Variants in C8A observed in about 807,000 individuals in gnomAD.
The protein encoded by C8A is complement component C8 alpha chain.
A neutral mutation model predicts 65.3 loss-of-function variants in C8A; 67 were observed. That is an observed-to-expected ratio of 1.03 (90% CI 0.84 to 1.26). The LOEUF (loss-of-function observed/expected upper bound fraction) is 1.26. C8A is among the 50% of genes most tolerant of loss of function. The pLI, the probability that C8A is intolerant of heterozygous loss-of-function variation, is 0.00. For missense variants in C8A, 781 were observed against 723.9 expected (o/e 1.08, Z -0.90); for synonymous variants, 290 against 259.4 (o/e 1.12, Z -1.13).
intron 7 of C8A, among the ~76,000 whole-genome samples, chr1:56,904,935 C>A (rs912154254): frequency 2.6e-5 from 4 of 152,178 alleles, no homozygotes; most frequent in Admixed American, 6.5e-5. Context: ...TCCTCCAGCC[C>A]CCATTAATCA....
intron 1 of C8A, among the ~76,000 whole-genome samples, chr1:56,857,441 C>T (rs1286680223): frequency 6.6e-6 from 1 of 151,938 alleles, no homozygotes; most frequent in Non-Finnish European, 1.5e-5. Flanking sequence ...ATTATTAATA[C>T]ATATAGTTAT....
chr1:56,901,802 C>T (rs1644428782), intron 7 of C8A, among the ~76,000 whole-genome samples: 1 of 152,080 alleles, frequency 6.6e-6, no homozygotes, highest in African/African-American at 2.4e-5. Flanking sequence ...CTGGCTCCTT[C>T]TTCTGACCCC....
At chr1:56,905,981 T>C (rs971621374) in intron 7 of C8A, among the ~76,000 whole-genome samples, 12 of 152,214 alleles carry the variant, frequency 7.9e-5, no homozygotes, top group South Asian at 2.1e-4. Flanking sequence ...GGTCCTCAGA[T>C]GTAGACAAAT....
rs857031 is a variant in C8A, at chr1:56,855,389, C to T, written c.77+411C>T. 6.0e-3 allele frequency among the ~76,000 whole-genome samples: 911 copies of T among 152,150 alleles called. 7 individuals carry two copies. The highest frequency in any genetic ancestry group is 0.02 in the African/African-American group (842 of 41,498). On this transcript the variant is annotated intron_variant, in intron 1 of 10. Coordinates refer to ENST00000361249, the MANE Select transcript of C8A (RefSeq NM_000562.3). ...GTGGTGCTGAACAGTTAACTTAACC[C>T]CTACTTTCTTATCTGTAAAAGAGCA...
intron 7 of C8A, among the ~76,000 whole-genome samples, chr1:56,888,193 G>A (rs960362143): frequency 2.6e-5 from 4 of 152,062 alleles, no homozygotes; most frequent in Admixed American, 2.6e-4. Flanking sequence ...TTTGAAAAAA[G>A]TATCATGCCT....
At chr1:56,910,838 G>A (rs1285761359) in intron 9 of C8A, among the ~76,000 whole-genome samples, 3 of 152,122 alleles carry the variant, frequency 2.0e-5, no homozygotes, top group South Asian at 4.1e-4. Flanking sequence ...CCAGGGAAGT[G>A]CGACTACCGT....
At chr1:56,912,658 C>T (rs1207715565) in intron 10 of C8A, 33 bp downstream of exon 10, 2 of 1,599,884 alleles carry the variant, frequency 1.3e-6, no homozygotes, top group South Asian at 2.2e-5. Context: ...CAGTTCCAGC[C>T]TGTCCCAGCT....
At chr1:56,875,879 C>T (rs893355402) in intron 3 of C8A, among the ~76,000 whole-genome samples, 183 bp from the exon 4 acceptor site, 3 of 152,074 alleles carry the variant, frequency 2.0e-5, no homozygotes, top group African/African-American at 7.2e-5. Context: ...TCAGGCAATG[C>T]CCAAGCTGGG....
At position 56,876,171 on chromosome 1, in the gene C8A, G is replaced by T; in HGVS notation, c.426G>T (p.Gln142His). Residue 142 changes from glutamine to histidine, a missense_variant, in exon 4 of 11, where the codon CAG (glutamine) becomes CAT (histidine). Gln to His is a conservative substitution (Grantham distance 24, BLOSUM62 0). Coordinates refer to ENST00000361249, the MANE Select transcript of C8A (RefSeq NM_000562.3). ...DVRAIDEDCS[Q>H]YEPIPGSQKA... The stretch of plus-strand genomic sequence containing the variant: ...GGGCCATTGACGAAGACTGCAGCCA[G>T]TATGAACCAATTCCAGGATCACAGA... 1 of 1,613,932 alleles carries T rather than the reference G, an allele frequency of 6.2e-7. No homozygotes were observed. Among genetic ancestry groups the T allele is most frequent in the Non-Finnish European group, 8.5e-7 (1 of 1,179,870 alleles).
chr1:56,879,926 A>G (rs1320822740), intron 4 of C8A, among the ~76,000 whole-genome samples: 4 of 152,194 alleles, frequency 2.6e-5, no homozygotes, highest in African/African-American at 9.6e-5. Context: ...CACAGAGGCC[A>G]TAAACAATCA....
intron 1 of C8A, among the ~76,000 whole-genome samples, chr1:56,856,222 G>A (rs1643974054): frequency 6.6e-6 from 1 of 152,128 alleles, no homozygotes; most frequent in Non-Finnish European, 1.5e-5. Context: ...AAACTACATG[G>A]TGAAATGATT....
At chr1:56,877,476 T>C (rs1644209826) in intron 4 of C8A, among the ~76,000 whole-genome samples, 2 of 152,160 alleles carry the variant, frequency 1.3e-5, no homozygotes, top group Admixed American at 6.5e-5. Context: ...AGGGGCTCCT[T>C]GTCATCTCTG....
At chr1:56,859,097 T>TA (rs1644005354) in intron 1 of C8A, among the ~76,000 whole-genome samples, 1 of 152,192 alleles carries the variant, frequency 6.6e-6, no homozygotes, top group African/African-American at 2.4e-5. Flanking sequence ...TCAGAATGCT[T>TA]AAAAAATGCA....
chr1:56,886,476 A>G (rs916510832), intron 7 of C8A, among the ~76,000 whole-genome samples: 1 of 152,182 alleles, frequency 6.6e-6, no homozygotes, highest in African/African-American at 2.4e-5. Context: ...TTAAAATGTG[A>G]AAACCTGTTT....
chr1:56,894,975 C>T (rs997296875), intron 7 of C8A, among the ~76,000 whole-genome samples: 2 of 152,106 alleles, frequency 1.3e-5, no homozygotes, highest in African/African-American at 4.8e-5. Context: ...ATAACATCTA[C>T]TATTTGTAGA....
At chr1:56,880,958 A>G (rs1644242500) in intron 4 of C8A, among the ~76,000 whole-genome samples, 2 of 152,296 alleles carry the variant, frequency 1.3e-5, no homozygotes, top group Middle Eastern at 3.4e-3. Flanking sequence ...CCTTGGATTC[A>G]TGATAATTGC....
chr1:56,860,139 G>A (rs1436440432), intron 1 of C8A, among the ~76,000 whole-genome samples: 1 of 152,156 alleles, frequency 6.6e-6, no homozygotes, highest in East Asian at 1.9e-4. Context: ...GAGGATATCA[G>A]AGCAATCTAA....
chr1:56,864,662 G>C (rs1016919272), intron 1 of C8A, among the ~76,000 whole-genome samples: 1 of 152,132 alleles, frequency 6.6e-6, no homozygotes, highest in Admixed American at 6.5e-5. Flanking sequence ...TCGTTTATAA[G>C]GATGATGAGT....
Position 56,874,957 on chromosome 1 carries a change from C to G in C8A, c.180C>G (p.His60Gln). Residue 60 changes from histidine (H) to glutamine (Q), a missense_variant, in exon 3 of 11, where the codon CAC becomes CAG. Transcript: ENST00000361249. The part of the protein sequence containing the change: ...CFPCQDKKYR[H>Q]RSLLQPNKFG... ...TTCAAAATCTGGTTTAGTACCGACA[C>G]CGGAGCCTCTTGCAGCCAAACAAGT... The G allele has an allele frequency of 1.2e-6, 2 of 1,613,634 alleles. No individual in the cohort carries two copies. The highest frequency in any genetic ancestry group is 8.5e-7 in the Non-Finnish European group (1 of 1,179,764).
Sources: gnomAD v4.1 joint callset for allele counts (sites outside exome capture counted in the v4.1 genomes callset) on GRCh38, gnomAD v4.1.1 for gene constraint, MANE v1.5 for transcripts, NCBI Gene and HGNC (gene_info 2026-07-23, HGNC 2026-07-21) for gene names.